Variants in CRACD observed in about 807,000 individuals in gnomAD.
The protein encoded by CRACD is capping protein inhibiting regulator of actin dynamics, also known as capping protein-inhibiting regulator of actin dynamics.
In CRACD, 56 loss-of-function variants were observed where a neutral mutation model predicts 106.8. The ratio of observed to expected loss-of-function variants is 0.52; its 90% CI spans 0.42 to 0.66. The LOEUF (loss-of-function observed/expected upper bound fraction) is 0.66. Among genes scored for constraint, CRACD ranks in the 30% least tolerant of loss-of-function variants. CRACD has a pLI of 0.00. For missense variants in CRACD, 1,730 were observed against 1,623.2 expected, an observed-to-expected ratio of 1.07 and a Z score of -1.13; for synonymous variants, 754 against 670.8, an observed-to-expected ratio of 1.12 and a Z score of -1.92.
At chr4:56,289,137 A>G (rs924445456) in intron 3 of CRACD, among the ~76,000 whole-genome samples, 4 of 152,170 alleles carry the variant, frequency 2.6e-5, no homozygotes, top group Non-Finnish European at 4.4e-5. Flanking sequence ...ATGGGGAGTT[A>G]TTGTTGCATG....
intron 4 of CRACD, among the ~76,000 whole-genome samples, chr4:56,306,243 C>T (rs1744686331): frequency 6.6e-6 from 1 of 152,152 alleles, no homozygotes; most frequent in African/African-American, 2.4e-5. Context: ...CCTGTAATCC[C>T]AGCACTTTGG....
At chr4:56,108,810 C>T (rs1734027582) in intron 1 of CRACD, among the ~76,000 whole-genome samples, 1 of 152,192 alleles carries the variant, frequency 6.6e-6, no homozygotes, top group Non-Finnish European at 1.5e-5. Context: ...TAAAAAAGAT[C>T]AAAGACTTTA....
At chr4:56,239,601 A>T (rs55882521) in intron 2 of CRACD, among the ~76,000 whole-genome samples, 2 of 152,270 alleles carry the variant, frequency 1.3e-5, no homozygotes, top group African/African-American at 4.8e-5. Context: ...ATGTCATCTC[A>T]TTGCATTTAA....
rs1266171761 is a variant in CRACD, at chr4:56,314,619, G to C, written c.1117G>C (p.Glu373Gln). Residue 373 changes from glutamate to glutamine, a missense_variant, in exon 8 of 11, where the codon GAA (glutamate) becomes CAA (glutamine). By Grantham distance (29) the Glu-to-Gln change is conservative (BLOSUM62 2). This residue lies in a region of CRACD where 1,620 missense variants were observed against 1,481.6 expected (regional missense o/e 1.09). Transcript: ENST00000682029. This position sits in a 1 kb window ranked among gnomAD's most constrained non-coding sequence, Gnocchi z 4.4. ...GGAGGCTGAGGGATGGGAAGAGCTG[G>C]AACAGCAGGAGGCGGAGGTGCAGGG... ...EEEAEGWEELEQQEAEVQGPP... is the reference protein window; with the variant it reads ...EEEAEGWEELQQQEAEVQGPP... 1 of 1,536,870 alleles carries C rather than the reference G, an allele frequency of 6.5e-7. No homozygotes were observed. The highest frequency in any genetic ancestry group is 1.2e-5 in the South Asian group (1 of 82,138).
chr4:56,152,478 G>GAAAAAA (rs752352180), intron 1 of CRACD, among the ~76,000 whole-genome samples: 1 of 145,516 alleles, frequency 6.9e-6, no homozygotes, highest in Non-Finnish European at 1.5e-5. Context: ...TACAAAAAAA[G>GAAAAAA]AAAAAAAAAA....
At position 56,073,047 on chromosome 4, in the gene CRACD, A is replaced by T. The variant is rs1033423284; in HGVS notation, c.-336+23748A>T. Among the ~76,000 whole-genome samples, 105 of 152,270 alleles carry T rather than the reference A, an allele frequency of 6.9e-4. 2 individuals carry two copies. Among genetic ancestry groups the T allele is most frequent in the Non-Finnish European group, 1.9e-4 (13 of 68,020 alleles). On this transcript the variant is annotated intron_variant, in intron 1 of 10. Coordinates refer to ENST00000682029, the MANE Select transcript of CRACD (RefSeq NM_001393381.1). Reference sequence around the variant, plus strand: ...TGGTTCCAAGTCTTTGCTATTGTGAATAGTGCTGTAATAAACATACGTTTG... The same window carrying T: ...TGGTTCCAAGTCTTTGCTATTGTGATTAGTGCTGTAATAAACATACGTTTG...
At chr4:56,305,625 C>T (rs1560527762) in intron 4 of CRACD, among the ~76,000 whole-genome samples, 3 of 152,302 alleles carry the variant, frequency 2.0e-5, no homozygotes, top group South Asian at 4.1e-4. Flanking sequence ...AGGCTGCTGA[C>T]GCTGTACTTC....
chr4:56,239,493 TG>T (rs759912839), intron 2 of CRACD, among the ~76,000 whole-genome samples: 59 of 152,050 alleles, frequency 3.9e-4, no homozygotes, highest in Non-Finnish European at 7.6e-4. Context: ...GAGTACATGT[TG>T]ACATGTTTTA....
At chr4:56,307,723 T>G (rs765291080) in intron 5 of CRACD, 24 bp downstream of exon 5, 1 of 1,612,938 alleles carries the variant, frequency 6.2e-7, no homozygotes, top group Non-Finnish European at 8.5e-7. Context: ...AGGGAATGAC[T>G]TGATGGCTCA....
At chr4:56,247,168 T>A (rs960792318) in intron 2 of CRACD, among the ~76,000 whole-genome samples, 10 of 152,182 alleles carry the variant, frequency 6.6e-5, no homozygotes, top group African/African-American at 2.4e-4. Context: ...TAAAACCCAC[T>A]GTGGCATGAG....
chr4:56,276,154 G>A (rs1023197945), intron 3 of CRACD, among the ~76,000 whole-genome samples: 9 of 152,020 alleles, frequency 5.9e-5, no homozygotes, highest in African/African-American at 2.2e-4. Flanking sequence ...GAAAAGCAAA[G>A]CAATAAAACA....
In CRACD at chr4:56,323,498, G is replaced by T. The variant is rs1218644272; in HGVS notation, c.3309G>T (p.Gln1103His). 6.2e-7 allele frequency: 1 copy of T among 1,609,016 alleles called. No individual in the cohort carries two copies. Among genetic ancestry groups the T allele is most frequent in the Admixed American group, 1.7e-5 (1 of 58,334 alleles). Residue 1103 changes from glutamine to histidine, a missense_variant, in exon 9 of 11, where the codon CAG becomes CAT. Gln to His is a conservative substitution (Grantham distance 24, BLOSUM62 0). This residue lies in a region of CRACD where 1,620 missense variants were observed against 1,481.6 expected (regional missense o/e 1.09). Coordinates refer to ENST00000682029, the MANE Select transcript of CRACD (RefSeq NM_001393381.1). ...ALQKQKGFRE[Q>H]QATREERKQA... The stretch of plus-strand genomic sequence containing the variant: ...AAAAGCAAAAGGGGTTTCGGGAGCA[G>T]CAGGCGACGCGGGAGGAGAGAAAGC...
chr4:56,081,679 A>T (rs1035086107), intron 1 of CRACD, among the ~76,000 whole-genome samples: 3 of 152,144 alleles, frequency 2.0e-5, no homozygotes, highest in Non-Finnish European at 2.9e-5. Context: ...GGTAGTGCAT[A>T]AGATAGGCCA....
intron 2 of CRACD, among the ~76,000 whole-genome samples, chr4:56,197,333 G>A (rs1228538676): frequency 6.6e-6 from 1 of 151,486 alleles, no homozygotes; most frequent in Non-Finnish European, 1.5e-5. Context: ...TTTTTGCTCT[G>A]TTTTAGTTAA....
intron 1 of CRACD, among the ~76,000 whole-genome samples, chr4:56,099,376 T>C (rs1423156063): frequency 2.6e-5 from 4 of 152,194 alleles, no homozygotes; most frequent in Non-Finnish European, 5.9e-5. Flanking sequence ...GGACATGCTT[T>C]GATGATGTAC....
At chr4:56,292,384 G>A (rs1743744195) in intron 3 of CRACD, among the ~76,000 whole-genome samples, 1 of 152,220 alleles carries the variant, frequency 6.6e-6, no homozygotes, top group Non-Finnish European at 1.5e-5. Flanking sequence ...CAAAACAGAA[G>A]TAGTCTGAGC....
At chr4:56,103,584 A>G (rs930929994) in intron 1 of CRACD, among the ~76,000 whole-genome samples, 2 of 152,220 alleles carry the variant, frequency 1.3e-5, no homozygotes, top group East Asian at 3.8e-4. Flanking sequence ...CAAGACAAAC[A>G]TGCATTCTAT....
chr4:56,101,565 C>G (rs1733775920), intron 1 of CRACD, among the ~76,000 whole-genome samples: 1 of 152,038 alleles, frequency 6.6e-6, no homozygotes, highest in Non-Finnish European at 1.5e-5. Flanking sequence ...GAGTTTGACA[C>G]CAGCCTGGCC....
chr4:56,171,030 C>T (rs1399130048), intron 1 of CRACD, among the ~76,000 whole-genome samples: 1 of 151,758 alleles, frequency 6.6e-6, no homozygotes, highest in Non-Finnish European at 1.5e-5. Flanking sequence ...ATGGTGGTGA[C>T]AGAAATAACA....
Sources: allele counts gnomAD v4.1 joint callset (sites outside exome capture counted in the v4.1 genomes callset), GRCh38; gene constraint gnomAD v4.1.1; regional missense constraint gnomAD v4.1.1; non-coding constraint Gnocchi (gnomAD v3.1); transcripts MANE v1.5; gene names NCBI Gene and HGNC (gene_info 2026-07-23, HGNC 2026-07-21).